INTS1: variants seen among roughly 807,000 people sequenced by gnomAD.
The protein encoded by INTS1 is integrator complex subunit 1.
INTS1 carries 137 observed loss-of-function variants against 241.6 expected under a neutral mutation model. That is an observed-to-expected ratio of 0.57 (90% CI 0.49 to 0.65). The LOEUF is 0.65. Among genes scored for constraint, INTS1 ranks in the 30% least tolerant of loss-of-function variants. The probability of loss-of-function intolerance (pLI) is 0.00; values close to 1 mark genes in which losing one functional copy is unlikely to be tolerated. For missense variants in INTS1, 3,073 were observed against 3,032.2 expected, an observed-to-expected ratio of 1.01 and a Z score of -0.32; for synonymous variants, 1,692 against 1,337.8, an observed-to-expected ratio of 1.26 and a Z score of -5.78.
rs770625061 is a variant in INTS1, at chr7:1,480,312, G to A, written c.4074+5C>T. On this transcript the variant is annotated splice_donor_5th_base_variant and intron_variant, in intron 30 of 47. Coordinates refer to ENST00000404767, the MANE Select transcript of INTS1 (RefSeq NM_001080453.3). Reference sequence around the variant, plus strand: ...GTGGAGACCCACATGCAGCAGCAACGCTACCTGGAGGAACATGCCAGCCAG... The same window carrying A: ...GTGGAGACCCACATGCAGCAGCAACACTACCTGGAGGAACATGCCAGCCAG... 3.7e-6 allele frequency: 6 copies of A among 1,603,418 alleles called. No individual in the cohort carries two copies. In the Admixed American group the frequency reaches 8.4e-5, roughly 23 times the overall value.
At position 1,471,081 on chromosome 7, in the gene INTS1, G is replaced by A. The variant is rs150543082; in HGVS notation, c.6347+52C>T. On this transcript the variant is annotated intron_variant, in intron 46 of 47. Coordinates refer to ENST00000404767, the MANE Select transcript of INTS1 (RefSeq NM_001080453.3). ...ACCAGGCGGGTCAAGCGGTGACCTG[G>A]GTTAGCAGGGCCCAGCGGTGGCGGC... is the stretch of plus-strand genomic sequence containing the variant. 4.6e-5 allele frequency: 70 copies of A among 1,533,266 alleles called. No homozygotes were observed. In the South Asian group the frequency reaches 6.0e-4, roughly 13 times the overall value. 95.0% of individuals were successfully genotyped at this position (1,533,266 alleles called of 1,614,324 possible).
Position 1,503,896 on chromosome 7 carries a change from G to C in INTS1, c.58+7C>G. On this transcript the variant is annotated splice_region_variant and intron_variant, in intron 2 of 47. Transcript: ENST00000404767. ...CCCCGGGCTGCAGAGCGAGGAGGGA[G>C]ACGCACCTGAGGGTTTGGCCGCGGC... The C allele has an allele frequency of 6.4e-7, 1 of 1,552,316 alleles. No individual in the cohort carries two copies. Among genetic ancestry groups the C allele is most frequent in the Non-Finnish European group, 8.7e-7 (1 of 1,146,784 alleles).
chr7:1,478,987 C>T (rs1781867362), intron 31 of INTS1, 102 bp from the exon 32 acceptor site: 5 of 1,332,222 alleles, frequency 3.8e-6, no homozygotes, highest in African/African-American at 2.9e-5. Context: ...AGACCTGCCG[C>T]GACCGGCACT....
Position 1,476,668 on chromosome 7 carries a change from G to C in INTS1, c.5064-11C>G, listed in dbSNP as rs1312145466. On this transcript the variant is annotated splice_polypyrimidine_tract_variant and intron_variant, in intron 36 of 47. Coordinates refer to ENST00000404767, the MANE Select transcript of INTS1 (RefSeq NM_001080453.3). ...GCAGAGGGGTCGAACCTGTGGGGAG[G>C]CAAAGGTTCCAGAGCACGAGGTGTC... 6.2e-7 allele frequency: 1 copy of C among 1,612,488 alleles called. No individual in the cohort carries two copies. Among genetic ancestry groups the C allele is most frequent in the East Asian group, 2.2e-5 (1 of 44,872 alleles).
intron 20 of INTS1, 60 bp from the exon 21 acceptor site, chr7:1,487,161 C>G: frequency 6.6e-7 from 1 of 1,525,374 alleles, no homozygotes; most frequent in East Asian, 2.5e-5. Flanking sequence ...TGCCGCCAGC[C>G]CCCCGGGTGA....
At chr7:1,475,821 G>T in intron 39 of INTS1, 127 bp downstream of exon 39, 1 of 1,201,956 alleles carries the variant, frequency 8.3e-7, no homozygotes, top group Non-Finnish European at 1.1e-6. Context: ...CCACAGGGCG[G>T]CGCGGACTGG....
Position 1,493,938 on chromosome 7 carries a change from G to A in INTS1, c.1911-27C>T. On this transcript the variant is annotated intron_variant, in intron 14 of 47. Transcript: ENST00000404767. The surrounding 1 kb of genome is among the most constrained non-coding windows in gnomAD (Gnocchi z 5.3). ...TGCGGGGTGGGGGAGGCATGACTCG[G>A]TGTGGGCTGCCCACACCTGCCAGAC... The A allele has an allele frequency of 6.5e-7, 1 of 1,544,742 alleles. No homozygotes were observed. Among genetic ancestry groups the A allele is most frequent in the South Asian group, 1.2e-5 (1 of 83,534 alleles).
At chr7:1,489,279 C>T in intron 18 of INTS1, 65 bp downstream of exon 18, 1 of 76,074 alleles carries the variant, frequency 1.3e-5, no homozygotes, top group East Asian at 2.0e-4. Context: ...GGAACACAGC[C>T]CCAGCGGAAC....
chr7:1,470,878 C>T lies in INTS1; in HGVS notation c.6425G>A (p.Arg2142Gln), dbSNP rs753422925. The T allele has an allele frequency of 1.1e-5, 17 of 1,594,314 alleles. No individual in the cohort carries two copies. The highest frequency in any genetic ancestry group is 4.6e-5 in the East Asian group (2 of 43,646). The change falls in exon 47 of 48, where the codon CGG becomes CAG. Residue 2142 changes from arginine (R) to glutamine (Q), a missense_variant. Physicochemically the swap from Arg to Gln is conservative, Grantham distance 43 (BLOSUM62 1). Coordinates refer to ENST00000404767, the MANE Select transcript of INTS1 (RefSeq NM_001080453.3). ...CAGGAGAGCGTACTCAGGCAGGTTCCGGAGGGCCGTCTGCACCACCTCAAA... is the reference window on the plus strand; with the variant it reads ...CAGGAGAGCGTACTCAGGCAGGTTCTGGAGGGCCGTCTGCACCACCTCAAA... ...QDFEVVQTAL[R>Q]NLPEYALLCQ...
At chr7:1,477,485 A>C (rs1781777247) in intron 35 of INTS1, 65 bp downstream of exon 35, 2 of 1,446,720 alleles carry the variant, frequency 1.4e-6, no homozygotes, top group Non-Finnish European at 1.8e-6. Context: ...AGGCTGCTGC[A>C]CTTCAGGTCA....
Position 1,493,415 on chromosome 7 carries a change from G to A in INTS1, c.2069-309C>T, listed in dbSNP as rs1319549070. Reference sequence around the variant, plus strand: ...AAGCCCTCGGGGCAGAGCCACGGACGAGGCGCGAGCTGGATTTACAATCAT... The same window carrying A: ...AAGCCCTCGGGGCAGAGCCACGGACAAGGCGCGAGCTGGATTTACAATCAT... On this transcript the variant is annotated intron_variant, in intron 15 of 47. Coordinates refer to ENST00000404767, the MANE Select transcript of INTS1 (RefSeq NM_001080453.3). The surrounding 1 kb of genome is among the most constrained non-coding windows in gnomAD (Gnocchi z 5.3). Among the ~76,000 whole-genome samples the A allele has an allele frequency of 4.6e-5, 7 of 152,268 alleles. No individual in the cohort carries two copies. Among genetic ancestry groups the A allele is most frequent in the Admixed American group, 6.5e-5 (1 of 15,306 alleles).
chr7:1,488,131 G>A (rs538780533), intron 18 of INTS1, among the ~76,000 whole-genome samples, 174 bp from the exon 19 acceptor site: 19 of 152,164 alleles, frequency 1.2e-4, no homozygotes, highest in Admixed American at 9.8e-4. Context: ...GAGCTGAGAC[G>A]AGAAGCCGCA....
rs1782989353 is a variant in INTS1, at chr7:1,498,753, G to A, written c.1237C>T (p.Arg413Cys). The change falls in exon 9 of 48, where the codon CGC (arginine) becomes TGC (cysteine). Residue 413 changes from arginine to cysteine, a missense_variant. Physicochemically the swap from Arg to Cys is radical, Grantham distance 180 (BLOSUM62 -3). Coordinates refer to ENST00000404767, the MANE Select transcript of INTS1 (RefSeq NM_001080453.3). ...MDVISHLIKI[R>C]LKPKVLLNHF... Reference sequence around the variant, plus strand: ...TTGAGGAGGACCTTGGGCTTGAGGCGGATCTTGATCAGGTGTGAGATGACG... The same window carrying A: ...TTGAGGAGGACCTTGGGCTTGAGGCAGATCTTGATCAGGTGTGAGATGACG... The A allele has an allele frequency of 1.9e-6, 3 of 1,574,066 alleles. No homozygotes were observed. Among genetic ancestry groups the A allele is most frequent in the Non-Finnish European group, 1.7e-6 (2 of 1,159,926 alleles).
intron 41 of INTS1, 62 bp downstream of exon 41, chr7:1,474,106 A>AG (rs1781597884): frequency 6.8e-7 from 1 of 1,477,326 alleles, no homozygotes; most frequent in East Asian, 2.4e-5. Context: ...TGGGTGAGGC[A>AG]GGCCTGGGCC....
Position 1,493,043 on chromosome 7 carries a change from T to C in INTS1, c.2132A>G (p.Tyr711Cys), listed in dbSNP as rs1172953156. ...GAGCTGGATGTTTTCAGGGTGATGG[T>C]AGGTGCACAGATTCAGAACGGCGTC... The part of the protein sequence containing the change: ...LIDAVLNLCT[Y>C]HHPENIQLPP... Residue 711 changes from tyrosine to cysteine, a missense_variant, in exon 16 of 48, where the codon TAC (tyrosine) becomes TGC (cysteine). Physicochemically the swap from Tyr to Cys is radical, Grantham distance 194 (BLOSUM62 -2). Transcript: ENST00000404767. The surrounding 1 kb of genome is among the most constrained non-coding windows in gnomAD (Gnocchi z 5.3). The C allele has an allele frequency of 1.1e-5, 17 of 1,612,686 alleles. No homozygotes were observed. In the Admixed American group the frequency reaches 2.7e-4, roughly 25 times the overall value.
intron 41 of INTS1, 120 bp downstream of exon 41, chr7:1,474,048 G>T: frequency 8.5e-7 from 1 of 1,176,344 alleles, no homozygotes; most frequent in Non-Finnish European, 1.2e-6. Context: ...AGGGCAGGTG[G>T]CCTGGCCTGG....
At chr7:1,479,363 G>C (rs1014081862) in intron 31 of INTS1, 67 bp downstream of exon 31, 1 of 1,499,870 alleles carries the variant, frequency 6.7e-7, no homozygotes, top group Non-Finnish European at 9.0e-7. Flanking sequence ...CAGGACACCC[G>C]GGCCGTCCTG....
Position 1,500,342 on chromosome 7 carries a change from T to G in INTS1, c.374A>C (p.Glu125Ala). 1 of 1,583,126 alleles carries G rather than the reference T, an allele frequency of 6.3e-7. No individual in the cohort carries two copies. Residue 125 changes from glutamate to alanine, a missense_variant, in exon 4 of 48, where the codon GAG (glutamate) becomes GCG (alanine). Physicochemically the swap from Glu to Ala is moderately radical, Grantham distance 107. Transcript: ENST00000404767. ...GCCCTCCAGCTCGGCCGCCTCGATC[T>G]CATCCAGCAGCACCGTGGGCAGCAC... The part of the protein sequence containing the change: ...IEVLPTVLLD[E>A]IEAAELEGND...
Position 1,493,176 on chromosome 7 carries a change from C to T in INTS1, c.2069-70G>A, listed in dbSNP as rs1043066713. The stretch of plus-strand genomic sequence containing the variant: ...CATCAGGCACAGGCAGCGAGGGAAC[C>T]GGCCCTGCTCGGGCCGCGTCGGGGT... On this transcript the variant is annotated intron_variant, in intron 15 of 47. Transcript: ENST00000404767. This position sits in a 1 kb window ranked among gnomAD's most constrained non-coding sequence, Gnocchi z 5.3. 5.3e-6 allele frequency: 5 copies of T among 944,906 alleles called. No individual in the cohort carries two copies. Among genetic ancestry groups the T allele is most frequent in the Admixed American group, 2.0e-5 (1 of 48,976 alleles). 58.5% of individuals were successfully genotyped at this position (944,906 alleles called of 1,614,324 possible). A position where few individuals can be genotyped will look rare whatever the true frequency, so the allele number is the denominator to read the frequency against.
Sources: gnomAD v4.1 joint callset for allele counts (sites outside exome capture counted in the v4.1 genomes callset) on GRCh38, gnomAD v4.1.1 for gene constraint, Gnocchi (gnomAD v3.1) non-coding constraint, MANE v1.5 for transcripts, NCBI Gene and HGNC (gene_info 2026-07-23, HGNC 2026-07-21) for gene names.